Variants in ENTREP2 observed in about 807,000 individuals in gnomAD.
ENTREP2 encodes protein ENTREP2.
the ENTREP2 span, among the ~76,000 whole-genome samples, chr15:29,152,418 C>T: frequency 1.3e-5 from 2 of 152,342 alleles, no homozygotes; most frequent in South Asian, 4.1e-4. Context: ...CTCCCTTTCC[C>T]TGCTCCCCAT....
chr15:29,388,772 T>C, the ENTREP2 span, among the ~76,000 whole-genome samples: 1 of 152,128 alleles, frequency 6.6e-6, no homozygotes, highest in Non-Finnish European at 1.5e-5. Flanking sequence ...CAACATGGAA[T>C]ACTATGTAGC....
At chr15:29,207,090 AG>A in the ENTREP2 span, among the ~76,000 whole-genome samples, 1 of 152,126 alleles carries the variant, frequency 6.6e-6, no homozygotes, top group Non-Finnish European at 1.5e-5. Flanking sequence ...GCCCTCAGCC[AG>A]CCCCTCCAGC....
At chr15:29,620,160 G>T in the ENTREP2 span, among the ~76,000 whole-genome samples, 1 of 152,214 alleles carries the variant, frequency 6.6e-6, no homozygotes, top group Non-Finnish European at 1.5e-5. Flanking sequence ...ACAAAGTGAG[G>T]AAAAGGACAA....
chr15:29,524,572 AC>A, the ENTREP2 span, among the ~76,000 whole-genome samples: 1 of 152,168 alleles, frequency 6.6e-6, no homozygotes, highest in Non-Finnish European at 1.5e-5. Flanking sequence ...ACGGAAGAGA[AC>A]CATGGAACCC....
chr15:29,155,245 G>A, the ENTREP2 span, among the ~76,000 whole-genome samples: 1 of 149,562 alleles, frequency 6.7e-6, no homozygotes, highest in Admixed American at 6.7e-5. Flanking sequence ...TCGCGCCACT[G>A]CACTCCAGCC....
the ENTREP2 span, among the ~76,000 whole-genome samples, chr15:29,563,025 A>T: frequency 6.6e-6 from 1 of 152,108 alleles, no homozygotes; most frequent in Admixed American, 6.6e-5. Context: ...CTCCTGGCTC[A>T]TGTGATCCAC....
chr15:29,492,897 A>G, the ENTREP2 span, among the ~76,000 whole-genome samples: 1 of 151,484 alleles, frequency 6.6e-6, no homozygotes, highest in South Asian at 2.1e-4. Flanking sequence ...CCAGCTATTC[A>G]GGAGGTTGAG....
chr15:29,251,566 G>A, the ENTREP2 span, among the ~76,000 whole-genome samples: 2 of 151,992 alleles, frequency 1.3e-5, no homozygotes, highest in South Asian at 2.1e-4. Context: ...ATCAGCTGTC[G>A]CTAATATTAG....
At chr15:29,305,642 G>A in the ENTREP2 span, among the ~76,000 whole-genome samples, 1 of 152,186 alleles carries the variant, frequency 6.6e-6, no homozygotes, top group East Asian at 1.9e-4. Flanking sequence ...CAGAAACTGA[G>A]TAAATGGCAG....
chr15:29,312,620 G>T, the ENTREP2 span, among the ~76,000 whole-genome samples: 1 of 152,114 alleles, frequency 6.6e-6, no homozygotes, highest in Non-Finnish European at 1.5e-5. Flanking sequence ...GACCCTTGAA[G>T]ATACTATTAT....
the ENTREP2 span, among the ~76,000 whole-genome samples, chr15:29,157,043 G>A: frequency 2.6e-5 from 4 of 152,188 alleles, no homozygotes; most frequent in African/African-American, 9.7e-5. Flanking sequence ...GTAGCCGTGA[G>A]CCGAGATCAT....
At chr15:29,188,876 C>T in the ENTREP2 span, among the ~76,000 whole-genome samples, 1 of 152,174 alleles carries the variant, frequency 6.6e-6, no homozygotes, top group African/African-American at 2.4e-5. Flanking sequence ...AAATAAAAGT[C>T]CCTGAACGGA....
chr15:29,132,410 C>T, the ENTREP2 span, among the ~76,000 whole-genome samples: 1 of 152,210 alleles, frequency 6.6e-6, no homozygotes. Context: ...AGGGCTCTAG[C>T]GGCCCCTTCA....
the ENTREP2 span, among the ~76,000 whole-genome samples, chr15:29,261,783 A>G: frequency 6.6e-6 from 1 of 152,182 alleles, no homozygotes; most frequent in East Asian, 1.9e-4. Flanking sequence ...CAAAACAGAT[A>G]TTAGGAAATA....
the ENTREP2 span, among the ~76,000 whole-genome samples, chr15:29,546,904 C>CAAAA: frequency 2.1e-4 from 8 of 38,582 alleles, no homozygotes; most frequent in African/African-American, 1.1e-3. Flanking sequence ...AAAACAACAA[C>CAAAA]AAAAAAAAAA....
the ENTREP2 span, among the ~76,000 whole-genome samples, chr15:29,135,170 C>A: frequency 6.6e-6 from 1 of 151,754 alleles, no homozygotes. The surrounding 1 kb of genome is among the most constrained non-coding windows in gnomAD (Gnocchi z 7.4). Flanking sequence ...GCCCTCTGCT[C>A]CAACTCACTG....
the ENTREP2 span, among the ~76,000 whole-genome samples, chr15:29,661,940 G>A: frequency 6.6e-6 from 1 of 152,142 alleles, no homozygotes; most frequent in African/African-American, 2.4e-5. Flanking sequence ...GCCAGGCATG[G>A]TGTATTACGC....
At chr15:29,438,685 A>G in the ENTREP2 span, among the ~76,000 whole-genome samples, 8,380 of 152,040 alleles carry the variant, frequency 0.055, 252 homozygotes, top group African/African-American at 0.077. Flanking sequence ...CTTGGAGTAC[A>G]TTTTTGTTTT....
At chr15:29,624,869 ATTTGTGTG>A in the ENTREP2 span, among the ~76,000 whole-genome samples, 2 of 119,880 alleles carry the variant, frequency 1.7e-5, no homozygotes, top group African/African-American at 3.7e-5. Context: ...CCCTGCATTA[ATTTGTGTG>A]TGTGTGTGTG....
Sources: allele counts gnomAD v4.1 joint callset (sites outside exome capture counted in the v4.1 genomes callset), GRCh38; gene constraint gnomAD v4.1.1; non-coding constraint Gnocchi (gnomAD v3.1); transcripts MANE v1.5; gene names NCBI Gene and HGNC (gene_info 2026-07-23, HGNC 2026-07-21).